The following CMC1 variants were observed in gnomAD, a reference collection of about 807,000 sequenced individuals.
CMC1 encodes C-X9-C motif containing 1.
A neutral mutation model predicts 14.1 loss-of-function variants in CMC1; 14 were observed. The ratio of observed to expected loss-of-function variants is 0.99; its 90% CI spans 0.66 to 1.55. The LOEUF (loss-of-function observed/expected upper bound fraction) is 1.55. Among genes scored for constraint, CMC1 ranks in the 40% most tolerant of loss-of-function variants. The probability of loss-of-function intolerance (pLI) is 0.00; values close to 1 mark genes in which losing one functional copy is unlikely to be tolerated. For synonymous variants in CMC1, 50 were observed against 38.4 expected, an observed-to-expected ratio of 1.30 and a Z score of -1.12; for missense variants, 127 against 123.8, an observed-to-expected ratio of 1.03 and a Z score of -0.12.
chr3:28,301,203 C>T (rs551515995), intron 2 of CMC1, among the ~76,000 whole-genome samples: 1 of 152,026 alleles, frequency 6.6e-6, no homozygotes, highest in Non-Finnish European at 1.5e-5. Context: ...TTTCATGATT[C>T]CTTACAGATG....
intron 1 of CMC1, chr3:28,253,612 C>T (rs1381996439): frequency 2.2e-6 from 1 of 462,802 alleles, no homozygotes; most frequent in African/African-American, 2.2e-5. Context: ...AAAAACCCCC[C>T]AAAAAACTCC....
intron 2 of CMC1, among the ~76,000 whole-genome samples, chr3:28,285,375 A>G (rs1701118585): frequency 1.9e-5 from 2 of 106,452 alleles, no homozygotes; most frequent in African/African-American, 3.5e-5. Flanking sequence ...TATGAGATAA[A>G]GAGAGTTGAT....
chr3:28,296,228 A>G (rs1479746791), intron 2 of CMC1, among the ~76,000 whole-genome samples: 1 of 152,084 alleles, frequency 6.6e-6, no homozygotes, highest in African/African-American at 2.4e-5. Context: ...GACTCCTTAA[A>G]TGGTTTGTTG....
chr3:28,303,527 A>T (rs931164159), intron 2 of CMC1, among the ~76,000 whole-genome samples: 1 of 152,166 alleles, frequency 6.6e-6, no homozygotes, highest in Non-Finnish European at 1.5e-5. Context: ...TTGTTTATGA[A>T]TAAATGCTGA....
chr3:28,284,429 C>T lies in CMC1; in HGVS notation c.109+21049C>T, dbSNP rs1211249857. ...ACAGGCTAAATCAGTGATCCTCAAA[C>T]GTTCATTGTACTTCAGAATTATCTA... is the stretch of plus-strand genomic sequence containing the variant. On this transcript the variant is annotated intron_variant, in intron 2 of 3. Coordinates refer to ENST00000466830, the MANE Select transcript of CMC1 (RefSeq NM_182523.2). Among the ~76,000 whole-genome samples the T allele has an allele frequency of 5.3e-5, 8 of 152,120 alleles. No individual in the cohort carries two copies. The East Asian group carries it at 5.8e-4, about 11-fold the overall frequency.
At chr3:28,263,045 T>C (rs1318914515) in intron 1 of CMC1, 1 of 392,352 alleles carries the variant, frequency 2.5e-6, no homozygotes, top group Non-Finnish European at 4.6e-6. Flanking sequence ...GTAAAGATGT[T>C]GTAGTATAGT....
chr3:28,276,823 A>C (rs1297141508), intron 2 of CMC1, among the ~76,000 whole-genome samples: 1 of 152,234 alleles, frequency 6.6e-6, no homozygotes, highest in African/African-American at 2.4e-5. Context: ...AAACTCTGGA[A>C]TGTATTAGAC....
chr3:28,283,487 C>A (rs180701559), intron 2 of CMC1, among the ~76,000 whole-genome samples: 123 of 150,092 alleles, frequency 8.2e-4, no homozygotes, highest in Admixed American at 2.0e-3. Flanking sequence ...CCATTGCATT[C>A]CAGCTTGAGC....
chr3:28,310,175 CT>C (rs560258835), intron 2 of CMC1, among the ~76,000 whole-genome samples: 39 of 152,290 alleles, frequency 2.6e-4, no homozygotes, highest in African/African-American at 8.7e-4. Context: ...CTGAGTGTGT[CT>C]GAGGTTCCCG....
At chr3:28,262,475 A>G (rs1239772893) in intron 1 of CMC1, among the ~76,000 whole-genome samples, 1 of 152,118 alleles carries the variant, frequency 6.6e-6, no homozygotes, top group Non-Finnish European at 1.5e-5. Context: ...CTACTGAGTC[A>G]CTTTAATTAA....
intron 3 of CMC1, chr3:28,318,131 A>G (rs1703015904): frequency 6.6e-6 from 1 of 151,956 alleles, no homozygotes; most frequent in Non-Finnish European, 1.5e-5. Context: ...TGCTTTGTTA[A>G]TTACTATTGA....
chr3:28,294,632 C>T (rs182607484), intron 2 of CMC1: 5 of 167,062 alleles, frequency 3.0e-5, no homozygotes, highest in Non-Finnish European at 6.1e-5. Context: ...AAGTTAAAGT[C>T]AACATAAAGT....
At chr3:28,302,309 T>C (rs1474340364) in intron 2 of CMC1, among the ~76,000 whole-genome samples, 2 of 152,208 alleles carry the variant, frequency 1.3e-5, no homozygotes, top group Non-Finnish European at 2.9e-5. Context: ...GAAGGCTCCA[T>C]GTTCAAAAGT....
chr3:28,313,374 A>C (rs1702738161), intron 2 of CMC1, among the ~76,000 whole-genome samples: 1 of 152,176 alleles, frequency 6.6e-6, no homozygotes, highest in African/African-American at 2.4e-5. Flanking sequence ...AGATAGACTG[A>C]ATTGAATGAA....
At chr3:28,253,543 T>C (rs990671504) in intron 1 of CMC1, among the ~76,000 whole-genome samples, 6 of 152,048 alleles carry the variant, frequency 3.9e-5, no homozygotes, top group African/African-American at 1.5e-4. Context: ...ATCACGCCAT[T>C]GCGCCCTATC....
intron 1 of CMC1, among the ~76,000 whole-genome samples, chr3:28,243,106 A>G (rs1012123833): frequency 2.0e-5 from 3 of 151,820 alleles, no homozygotes; most frequent in Non-Finnish European, 4.4e-5. Context: ...CCCAGGCTGG[A>G]GTGCAGTGGC....
chr3:28,313,526 GC>G (rs1702744998), intron 2 of CMC1, among the ~76,000 whole-genome samples: 2 of 152,264 alleles, frequency 1.3e-5, no homozygotes, highest in South Asian at 2.1e-4. Context: ...AAATCAGTTG[GC>G]AGTATTAGCA....
intron 2 of CMC1, among the ~76,000 whole-genome samples, chr3:28,303,839 G>C (rs1292616138): frequency 6.6e-6 from 1 of 151,932 alleles, no homozygotes; most frequent in African/African-American, 2.4e-5. Flanking sequence ...AGTAAGCTTT[G>C]CTGAATGATT....
intron 2 of CMC1, among the ~76,000 whole-genome samples, chr3:28,294,924 T>G (rs556881184): frequency 1.3e-5 from 2 of 152,224 alleles, no homozygotes; most frequent in African/African-American, 4.8e-5. Flanking sequence ...CCTTCTTTCT[T>G]TGTTACCCAT....
Sources: allele counts gnomAD v4.1 joint callset (sites outside exome capture counted in the v4.1 genomes callset), GRCh38; gene constraint gnomAD v4.1.1; transcripts MANE v1.5; gene names NCBI Gene and HGNC (gene_info 2026-07-23, HGNC 2026-07-21).